Variants in LAMA3 observed in about 807,000 individuals in gnomAD.
The protein encoded by LAMA3 is laminin subunit alpha-3.
LAMA3 carries 281 observed loss-of-function variants against 402.0 expected under a neutral mutation model. The observed-to-expected ratio is 0.70, with a 90% CI of 0.63 to 0.77. The LOEUF (loss-of-function observed/expected upper bound fraction) is 0.77. Among genes scored for constraint, LAMA3 ranks in the 30% least tolerant of loss-of-function variants. LAMA3 has a pLI of 0.00. For synonymous variants in LAMA3, 1,431 were observed against 1,558.4 expected (o/e 0.92, Z 1.93); for missense variants, 3,840 against 4,215.5 (o/e 0.91, Z 2.47).
intron 15 of LAMA3, 135 bp downstream of exon 15, chr18:23,814,637 T>C (rs945404972): frequency 1.5e-6 from 1 of 662,314 alleles, no homozygotes; most frequent in Non-Finnish European, 2.7e-6. Flanking sequence ...TGTTCTGATG[T>C]TTTCCCCCCA....
chr18:23,886,862 G>T (rs2035508328), intron 41 of LAMA3, among the ~76,000 whole-genome samples: 1 of 152,190 alleles, frequency 6.6e-6, no homozygotes. Flanking sequence ...GATGGAAGTG[G>T]GAGGCAGGTT....
chr18:23,712,690 A>C (rs1409759435), intron 1 of LAMA3, among the ~76,000 whole-genome samples: 1 of 147,538 alleles, frequency 6.8e-6, no homozygotes, highest in Admixed American at 6.9e-5. Context: ...CATGAGTTGC[A>C]TACTAGATGA....
intron 14 of LAMA3, among the ~76,000 whole-genome samples, chr18:23,813,553 C>CTTTTTTTTTTTTTTTTTTTTTT (rs1164123647): frequency 2.1e-4 from 24 of 115,004 alleles, no homozygotes; most frequent in Non-Finnish European, 3.0e-4. Flanking sequence ...TCTTTTCTTT[C>CTTTTTTTTTTTTTTTTTTTTTT]TTTTTTTTTT....
chr18:23,731,025 G>A (rs994138171), intron 2 of LAMA3, among the ~76,000 whole-genome samples: 6 of 152,048 alleles, frequency 3.9e-5, no homozygotes, highest in African/African-American at 1.4e-4. Context: ...AACATCAAAG[G>A]CTGTCTGAAG....
rs149402658 is a variant in LAMA3 at position 23,867,464 on chromosome 18, G to T, written c.4684-370G>T. Among the ~76,000 whole-genome samples, 8 of 148,926 alleles carry T rather than the reference G, an allele frequency of 5.4e-5. No homozygotes were observed. In the South Asian group the frequency reaches 1.5e-3, roughly 28 times the overall value. On this transcript the variant is annotated intron_variant, in intron 36 of 74. Coordinates refer to ENST00000313654, the MANE Select transcript of LAMA3 (RefSeq NM_198129.4). ...CTAGGGAGGCTAAGGCAGGAGAATC[G>T]CTTGAACCCGGATGCCAGAGGTTGC...
chr18:23,886,131 A>G (rs970290408), intron 41 of LAMA3, among the ~76,000 whole-genome samples: 2 of 152,228 alleles, frequency 1.3e-5, no homozygotes, highest in African/African-American at 2.4e-5. Flanking sequence ...AAGCAACACT[A>G]AAATTAAATC....
At chr18:23,812,639 G>A (rs1419035259) in intron 13 of LAMA3, among the ~76,000 whole-genome samples, 1 of 152,128 alleles carries the variant, frequency 6.6e-6, no homozygotes, top group African/African-American at 2.4e-5. Context: ...CTTTAGTACG[G>A]GTGGGAACAA....
At chr18:23,917,421 G>C (rs1012088588) in intron 60 of LAMA3, among the ~76,000 whole-genome samples, 2 of 152,142 alleles carry the variant, frequency 1.3e-5, no homozygotes, top group African/African-American at 4.8e-5. Flanking sequence ...GTAGTTTTAA[G>C]TTATTTGAGA....
Position 23,759,807 on chromosome 18 carries a change from A to T in LAMA3, c.1063+1296A>T, listed in dbSNP as rs192612180. Among the ~76,000 whole-genome samples the T allele has an allele frequency of 8.5e-5, 13 of 152,296 alleles. No individual in the cohort carries two copies. In the East Asian group the frequency reaches 2.5e-3, roughly 29 times the overall value. On this transcript the variant is annotated intron_variant, in intron 7 of 74. Transcript: ENST00000313654. ...TGGTCTTCCAAGGGAGTTTTGAGAG[A>T]TGCTAAAGTTCTGGGAAGGTCTTGT...
intron 73 of LAMA3, 82 bp downstream of exon 73, chr18:23,951,859 C>G (rs2082926735): frequency 9.3e-7 from 1 of 1,072,618 alleles, no homozygotes; most frequent in Non-Finnish European, 1.4e-6. Flanking sequence ...AAGGCAGCCT[C>G]AGCCCCTCCA....
At chr18:23,884,752 C>CT in intron 40 of LAMA3, 21 bp from the exon 41 acceptor site, 2 of 1,606,210 alleles carry the variant, frequency 1.2e-6, no homozygotes, top group Non-Finnish European at 1.7e-6. Context: ...TTGATGGGGC[C>CT]TTTTTCTGTC....
At chr18:23,797,508 G>C (rs974358449) in intron 12 of LAMA3, among the ~76,000 whole-genome samples, 2 of 152,216 alleles carry the variant, frequency 1.3e-5, no homozygotes, top group Non-Finnish European at 2.9e-5. Flanking sequence ...GAGGTCAGGA[G>C]TTCTAGACCA....
At chr18:23,935,056 A>G (rs1229650504) in intron 67 of LAMA3, among the ~76,000 whole-genome samples, 3 of 152,228 alleles carry the variant, frequency 2.0e-5, no homozygotes, top group Admixed American at 6.5e-5. Context: ...TTTTCATTGT[A>G]AGGCTGAAAG....
chr18:23,829,139 C>G (rs1349390307), intron 23 of LAMA3, among the ~76,000 whole-genome samples: 1 of 152,174 alleles, frequency 6.6e-6, no homozygotes, highest in African/African-American at 2.4e-5. Context: ...CAGTTTAGTT[C>G]AGACTTTGCC....
chr18:23,903,706 G>T (rs2081149306), intron 49 of LAMA3, among the ~76,000 whole-genome samples: 2 of 152,156 alleles, frequency 1.3e-5, no homozygotes, highest in African/African-American at 4.8e-5. Context: ...TTACTAAAGG[G>T]TTTCTCACCA....
rs1202654540 is a variant in LAMA3 at position 23,744,819 on chromosome 18, A to G, written c.448-3124A>G. Among the ~76,000 whole-genome samples the G allele has an allele frequency of 4.2e-5, 6 of 142,078 alleles. No homozygotes were observed. The East Asian group carries it at 6.2e-4, about 15-fold the overall frequency. 93.2% of individuals were successfully genotyped at this position (142,078 alleles called of 152,430 possible). On this transcript the variant is annotated intron_variant, in intron 2 of 74. Transcript: ENST00000313654. ...TGCACTCCAGCCTGGGCGACAGAGCAAGACTCTGTCTCAAAAAAAAAAAAA... is the reference window on the plus strand; with the variant it reads ...TGCACTCCAGCCTGGGCGACAGAGCGAGACTCTGTCTCAAAAAAAAAAAAA...
At chr18:23,763,362 A>C in intron 7 of LAMA3, 43 bp from the exon 8 acceptor site, 2 of 1,166,676 alleles carry the variant, frequency 1.7e-6, no homozygotes, top group Non-Finnish European at 2.6e-6. Flanking sequence ...TAAGCGTCTG[A>C]TAGTAATAAT....
chr18:23,844,797 C>G (rs1265648912), intron 29 of LAMA3, among the ~76,000 whole-genome samples: 1 of 152,078 alleles, frequency 6.6e-6, no homozygotes. Context: ...ATTGAGCATC[C>G]CTAATTCAAA....
At chr18:23,916,827 C>A in intron 60 of LAMA3, 132 bp downstream of exon 60, 1 of 925,964 alleles carries the variant, frequency 1.1e-6, no homozygotes, top group Non-Finnish European at 1.7e-6. Flanking sequence ...CATCCTTTTC[C>A]TCCACCCAGT....
Sources: gnomAD v4.1 joint callset for allele counts (sites outside exome capture counted in the v4.1 genomes callset) on GRCh38, gnomAD v4.1.1 for gene constraint, MANE v1.5 for transcripts, NCBI Gene and HGNC (gene_info 2026-07-23, HGNC 2026-07-21) for gene names.